Variants in DAB1 observed in about 807,000 individuals in gnomAD.
DAB1 encodes the protein disabled homolog 1.
DAB1 carries 15 observed loss-of-function variants against 64.6 expected under a neutral mutation model. The ratio of observed to expected loss-of-function variants is 0.23; its 90% confidence interval spans 0.16 to 0.36. The LOEUF is 0.36. Ranked by LOEUF, DAB1 falls within the 10% of genes least tolerant of loss-of-function variation. The pLI is 1.00. For missense variants in DAB1, 596 were observed against 706.7 expected (o/e 0.84, Z 1.78); for synonymous variants, 235 against 251.9 (o/e 0.93, Z 0.64).
At chr1:57,965,436 C>CT (rs1234489527) in intron 5 of DAB1, among the ~76,000 whole-genome samples, 3 of 152,072 alleles carry the variant, frequency 2.0e-5, no homozygotes, top group Non-Finnish European at 4.4e-5. Flanking sequence ...CCTCTGGCCT[C>CT]TTCGTAACAA....
chr1:57,505,888 T>C (rs1380167549), intron 7 of DAB1, among the ~76,000 whole-genome samples: 1 of 152,170 alleles, frequency 6.6e-6, no homozygotes, highest in East Asian at 1.9e-4. Flanking sequence ...CAGGCTGGTA[T>C]GGAACTTCTG....
intron 7 of DAB1, among the ~76,000 whole-genome samples, chr1:57,563,120 C>T (rs1038520308): frequency 1.3e-5 from 2 of 152,096 alleles, no homozygotes; most frequent in Non-Finnish European, 2.9e-5. Flanking sequence ...AACACCTTGA[C>T]CTGCTGAGGT....
Position 57,288,557 on chromosome 1 carries a change from C to A in DAB1, c.67+2407G>T, listed in dbSNP as rs890365610. Among the ~76,000 whole-genome samples, 5 of 152,078 alleles carry A rather than the reference C, an allele frequency of 3.3e-5. No homozygotes were observed. In the East Asian group the frequency reaches 9.6e-4, roughly 29 times the overall value. On this transcript the variant is annotated intron_variant, in intron 2 of 14. Coordinates refer to ENST00000371236, the MANE Select transcript of DAB1 (RefSeq NM_001365792.1). ...TGGTGAGAAGATGACCATCTATGAG[C>A]CAGGAAGAGAGCCCTCACCAGGAAC...
intron 4 of DAB1, among the ~76,000 whole-genome samples, chr1:57,089,155 C>T (rs201633614): frequency 7.9e-5 from 12 of 152,148 alleles, no homozygotes; most frequent in African/African-American, 2.9e-4. Flanking sequence ...TGCTTAGCAT[C>T]GTGTCCAGAA....
At chr1:58,512,401 G>T (rs1333826799) in intron 2 of DAB1, among the ~76,000 whole-genome samples, 1 of 152,146 alleles carries the variant, frequency 6.6e-6, no homozygotes, top group Non-Finnish European at 1.5e-5. Flanking sequence ...CCTACTTCTG[G>T]ATATTTATCC....
At chr1:57,208,618 A>G (rs767110788) in intron 2 of DAB1, among the ~76,000 whole-genome samples, 2 of 152,228 alleles carry the variant, frequency 1.3e-5, no homozygotes, top group Non-Finnish European at 2.9e-5. Context: ...TATCTGGCAC[A>G]TGGTAAGTGA....
intron 6 of DAB1, among the ~76,000 whole-genome samples, chr1:57,663,992 A>T (rs1646417597): frequency 6.6e-6 from 1 of 152,200 alleles, no homozygotes; most frequent in Admixed American, 6.5e-5. Flanking sequence ...CATGGAGGTA[A>T]AAACTGAGCT....
intron 5 of DAB1, among the ~76,000 whole-genome samples, chr1:57,979,262 C>A (rs542032105): frequency 1.3e-5 from 2 of 152,124 alleles, no homozygotes; most frequent in Admixed American, 6.6e-5. Flanking sequence ...ATGCCCTTTG[C>A]GGGGACATGG....
At chr1:57,525,524 G>T (rs1644580586) in intron 7 of DAB1, among the ~76,000 whole-genome samples, 1 of 152,008 alleles carries the variant, frequency 6.6e-6, no homozygotes, top group African/African-American at 2.4e-5. Context: ...ATACAAACTG[G>T]GGCTCTAAGG....
intron 4 of DAB1, among the ~76,000 whole-genome samples, chr1:58,208,735 G>C (rs1436649504): frequency 6.6e-6 from 1 of 152,144 alleles, no homozygotes; most frequent in Non-Finnish European, 1.5e-5. Context: ...ATTGTGAATG[G>C]TGCTGCTACA....
At chr1:57,076,294 T>C (rs995563712) in intron 4 of DAB1, among the ~76,000 whole-genome samples, 3 of 152,176 alleles carry the variant, frequency 2.0e-5, no homozygotes, top group Admixed American at 2.0e-4. Context: ...CAGATGCTGG[T>C]TGCCCTCTTC....
chr1:57,849,854 T>C (rs1376255511), intron 1 of DAB1, among the ~76,000 whole-genome samples: 8 of 152,250 alleles, frequency 5.3e-5, no homozygotes, highest in African/African-American at 1.9e-4. Flanking sequence ...CACATAATTA[T>C]AAAAATAAAA....
intron 3 of DAB1, among the ~76,000 whole-genome samples, chr1:58,444,864 A>G (rs748001770): frequency 3.9e-5 from 6 of 152,218 alleles, no homozygotes; most frequent in Non-Finnish European, 8.8e-5. Flanking sequence ...GTGTTACTAT[A>G]TTAATAATAT....
At position 58,398,442 on chromosome 1, in the gene DAB1, T is replaced by C. The variant is rs575840795; in HGVS notation, n.258-55039A>G. ...AGACGGAAGGGAGGCTCCATGCCCGTCCAAGCCACACAGTTGTAAGAGGCC... is the reference window on the plus strand; with the variant it reads ...AGACGGAAGGGAGGCTCCATGCCCGCCCAAGCCACACAGTTGTAAGAGGCC... On this transcript the variant is annotated intron_variant and non_coding_transcript_variant, in intron 3 of 20. Transcript: ENST00000485760. 2.0e-5 allele frequency among the ~76,000 whole-genome samples: 3 copies of C among 152,320 alleles called. No homozygotes were observed. In the South Asian group the frequency reaches 6.2e-4, roughly 32 times the overall value.
intron 2 of DAB1, among the ~76,000 whole-genome samples, chr1:57,174,618 TA>T (rs1482080100): frequency 6.6e-6 from 1 of 152,186 alleles, no homozygotes; most frequent in Admixed American, 6.5e-5. Flanking sequence ...TGCTTTACTT[TA>T]CTGCCTTGAG....
intron 4 of DAB1, among the ~76,000 whole-genome samples, chr1:58,288,609 C>T (rs1334673325): frequency 6.6e-6 from 1 of 152,194 alleles, no homozygotes; most frequent in Admixed American, 6.5e-5. Context: ...GATACCTCTA[C>T]TGTTACTGTG....
intron 1 of DAB1, among the ~76,000 whole-genome samples, chr1:57,380,629 A>T (rs1681292255): frequency 6.6e-6 from 1 of 152,224 alleles, no homozygotes; most frequent in Non-Finnish European, 1.5e-5. Context: ...ATGGGAATAC[A>T]AAGGTGAAAT....
chr1:57,485,187 AG>A (rs1163456330), intron 7 of DAB1, among the ~76,000 whole-genome samples: 32 of 152,066 alleles, frequency 2.1e-4, no homozygotes, highest in Admixed American at 2.1e-3. Flanking sequence ...CTGCTTCCAG[AG>A]AATGAAGTTC....
At chr1:58,059,595 C>A (rs1394618164) in intron 5 of DAB1, among the ~76,000 whole-genome samples, 1 of 152,124 alleles carries the variant, frequency 6.6e-6, no homozygotes, top group African/African-American at 2.4e-5. Context: ...GCCACAAGGC[C>A]CCATTTAGGA....
Sources: gnomAD v4.1 joint callset for allele counts (sites outside exome capture counted in the v4.1 genomes callset) on GRCh38, gnomAD v4.1.1 for gene constraint, MANE v1.5 for transcripts, NCBI Gene and HGNC (gene_info 2026-07-23, HGNC 2026-07-21) for gene names.